Variants in ADAM32 observed in about 807,000 individuals in gnomAD.
ADAM32 encodes disintegrin and metalloproteinase domain-containing protein 32.
ADAM32 carries 89 observed loss-of-function variants against 114.9 expected under a neutral mutation model. The ratio of observed to expected loss-of-function variants is 0.77; its 90% CI spans 0.65 to 0.92. The LOEUF (loss-of-function observed/expected upper bound fraction) is 0.92, where lower values mean the gene tolerates loss of function less well. Ranked by LOEUF, ADAM32 falls within the 40% of genes least tolerant of loss-of-function variation. The pLI, the probability that ADAM32 is intolerant of heterozygous loss-of-function variation, is 0.00. For synonymous variants in ADAM32, 285 were observed against 307.5 expected, an observed-to-expected ratio of 0.93 and a Z score of 0.77; for missense variants, 870 against 932.8, an observed-to-expected ratio of 0.93 and a Z score of 0.88.
intron 14 of ADAM32, among the ~76,000 whole-genome samples, chr8:39,230,085 A>G (rs572364454): frequency 3.0e-4 from 46 of 152,280 alleles, no homozygotes; most frequent in African/African-American, 1.0e-3. Flanking sequence ...CACTATTTTA[A>G]TGCACGTCAA....
At chr8:39,194,835 G>T (rs1225336102) in intron 11 of ADAM32, among the ~76,000 whole-genome samples, 1 of 152,156 alleles carries the variant, frequency 6.6e-6, no homozygotes, top group Non-Finnish European at 1.5e-5. Context: ...TAGGCAGATG[G>T]GTGACGCTGG....
chr8:39,284,766 C>T lies in ADAM32; in HGVS notation c.2358-27C>T, dbSNP rs768096756. 5 of 1,613,464 alleles carry T rather than the reference C, an allele frequency of 3.1e-6. No homozygotes were observed. The East Asian group carries it at 8.9e-5, about 29-fold the overall frequency. ...GGGAATTTGCTGTCAGTACTTTGAG[C>T]ACGTGTTTTTTTGTTCTCTTCCACA... On this transcript the variant is annotated intron_variant, in intron 24 of 24. Transcript: ENST00000379907.
At chr8:39,113,309 G>A (rs562591997) in intron 1 of ADAM32, among the ~76,000 whole-genome samples, 2 of 152,266 alleles carry the variant, frequency 1.3e-5, no homozygotes, top group East Asian at 3.9e-4. Context: ...CAGTGCAGTG[G>A]GTACTGCAGG....
At chr8:39,270,710 A>T (rs1180789794) in intron 19 of ADAM32, among the ~76,000 whole-genome samples, 166 bp from the exon 20 acceptor site, 1 of 152,132 alleles carries the variant, frequency 6.6e-6, no homozygotes, top group African/African-American at 2.4e-5. Context: ...GTAAATAAAA[A>T]TGTTATTTAT....
rs965484275 is a variant in ADAM32 at position 39,157,735 on chromosome 8, C to A, written c.526-3162C>A. On this transcript the variant is annotated intron_variant, in intron 6 of 24. Coordinates refer to ENST00000379907, the MANE Select transcript of ADAM32 (RefSeq NM_145004.7). ...CGCTTGCCTCTTAGTTCCCACCACA[C>A]AGCACTTCAGCATGACAAAGTCATT... 3 of 1,349,232 alleles carry A rather than the reference C, an allele frequency of 2.2e-6. No homozygotes were observed. The East Asian group carries it at 7.5e-5, about 34-fold the overall frequency. The allele number at this position is 1,349,232 out of a possible 1,614,324, so 83.6% of individuals were successfully genotyped here.
intron 19 of ADAM32, among the ~76,000 whole-genome samples, chr8:39,257,651 G>A (rs1313118698): frequency 2.6e-5 from 4 of 152,040 alleles, no homozygotes; most frequent in African/African-American, 9.7e-5. Context: ...TACAACAGAA[G>A]TATTTATTAA....
At chr8:39,145,951 G>A (rs776224396) in intron 3 of ADAM32, among the ~76,000 whole-genome samples, 3 of 151,880 alleles carry the variant, frequency 2.0e-5, no homozygotes, top group Non-Finnish European at 2.9e-5. Flanking sequence ...GGCTGGTCTC[G>A]AACTCCTGAG....
intron 11 of ADAM32, among the ~76,000 whole-genome samples, chr8:39,198,038 C>G (rs1807126881): frequency 6.6e-6 from 1 of 151,928 alleles, no homozygotes; most frequent in Admixed American, 6.6e-5. Flanking sequence ...TTTATGTACT[C>G]TTGCTGACTT....
rs1478423460 is a variant in ADAM32 at position 39,246,118 on chromosome 8, A to G, written c.1854A>G (p.Ile618Met). ...ATCGTGAATGTGTAGAATCAAGGAT[A>G]ATTAAGGCTTCAGCACATGTTTGTT... Reference protein sequence around the residue: ...CVNRECVESRIIKASAHVCSQ... With the variant: ...CVNRECVESRMIKASAHVCSQ... Residue 618 changes from isoleucine to methionine, a missense_variant, in exon 17 of 25, where the codon ATA becomes ATG. By Grantham distance (10) the Ile-to-Met change is conservative (BLOSUM62 1). Coordinates refer to ENST00000379907, the MANE Select transcript of ADAM32 (RefSeq NM_145004.7). The G allele has an allele frequency of 6.2e-7, 1 of 1,613,570 alleles. No homozygotes were observed.
rs1808961068 is a variant in ADAM32 at position 39,221,557 on chromosome 8, G to T, written c.1234-53G>T. ...CCATCAAAATATAACTCCTAGTAAA[G>T]ATTTTACTATTGTCATGATGTATTT... On this transcript the variant is annotated intron_variant, in intron 12 of 24. Transcript: ENST00000379907. 2.9e-6 allele frequency: 4 copies of T among 1,372,474 alleles called. No individual in the cohort carries two copies. The Admixed American group carries it at 7.4e-5, about 25-fold the overall frequency. 85.0% of individuals were successfully genotyped at this position (1,372,474 alleles called of 1,614,324 possible).
intron 11 of ADAM32, among the ~76,000 whole-genome samples, chr8:39,194,637 G>A (rs1806836901): frequency 6.6e-6 from 1 of 152,120 alleles, no homozygotes; most frequent in Non-Finnish European, 1.5e-5. Context: ...GTCCCTAGGA[G>A]GTATCCTCCC....
At chr8:39,182,937 G>A (rs1486362323) in intron 10 of ADAM32, among the ~76,000 whole-genome samples, 7 of 152,230 alleles carry the variant, frequency 4.6e-5, no homozygotes, top group African/African-American at 1.7e-4. Context: ...TTGGTGTTGG[G>A]TTCTCTAGTT....
chr8:39,123,523 A>G (rs1365174144), intron 2 of ADAM32, among the ~76,000 whole-genome samples: 2 of 152,146 alleles, frequency 1.3e-5, no homozygotes, highest in Non-Finnish European at 2.9e-5. Flanking sequence ...CCCATATTGC[A>G]TGCTCATTTT....
intron 2 of ADAM32, 54 bp from the exon 3 acceptor site, chr8:39,136,603 T>C: frequency 8.5e-7 from 1 of 1,175,482 alleles, no homozygotes; most frequent in Non-Finnish European, 1.2e-6. Context: ...AAAACTGTTG[T>C]TTTGCTTCTT....
chr8:39,284,845 A>AT lies in ADAM32; in HGVS notation c.*46_*47insT. The AT allele has an allele frequency of 6.2e-7, 1 of 1,608,286 alleles. No homozygotes were observed. The highest frequency in any genetic ancestry group is 8.5e-7 in the Non-Finnish European group (1 of 1,175,036). On this transcript the variant is annotated 3_prime_UTR_variant, in exon 25 of 25. Transcript: ENST00000379907. ...GGATAACATCGAGAGTCTCGCTAAG[A>AT]AATGAAAATTCTGTCTTTCCTTCCG...
chr8:39,147,563 A>T (rs1355166381), intron 4 of ADAM32, among the ~76,000 whole-genome samples: 1 of 151,964 alleles, frequency 6.6e-6, no homozygotes, highest in East Asian at 1.9e-4. Flanking sequence ...ACTCTTCCTC[A>T]TCTCATCCAT....
chr8:39,132,462 G>T (rs1802521932), intron 2 of ADAM32, among the ~76,000 whole-genome samples: 1 of 152,020 alleles, frequency 6.6e-6, no homozygotes, highest in Non-Finnish European at 1.5e-5. Flanking sequence ...TCTCTGTACT[G>T]TTCTTGTCAC....
intron 7 of ADAM32, among the ~76,000 whole-genome samples, chr8:39,163,036 A>G (rs948289822): frequency 1.5e-4 from 23 of 152,186 alleles, no homozygotes; most frequent in Admixed American, 1.3e-3. Context: ...CAATCATAGT[A>G]TTCATATTTT....
Position 39,165,164 on chromosome 8 carries a change from C to G in ADAM32, c.801C>G (p.Asn267Lys). 6.3e-7 allele frequency: 1 copy of G among 1,588,436 alleles called. No individual in the cohort carries two copies. The highest frequency in any genetic ancestry group is 8.6e-7 in the Non-Finnish European group (1 of 1,163,644). Residue 267 changes from asparagine (N) to lysine (K), a missense_variant, in exon 9 of 25, where the codon AAC becomes AAG. Transcript: ENST00000379907. Reference sequence around the variant, plus strand: ...TAGAATGGAAACAATCTTATCTTAACCTAAGGCCTCATGATATTGCATATC... The same window carrying G: ...TAGAATGGAAACAATCTTATCTTAAGCTAAGGCCTCATGATATTGCATATC... ...KFLEWKQSYLNLRPHDIAYLL... is the reference protein window; with the variant it reads ...KFLEWKQSYLKLRPHDIAYLL...
Sources: gnomAD v4.1 joint callset for allele counts (sites outside exome capture counted in the v4.1 genomes callset) on GRCh38, gnomAD v4.1.1 for gene constraint, MANE v1.5 for transcripts, NCBI Gene and HGNC (gene_info 2026-07-23, HGNC 2026-07-21) for gene names.